The following BRMS1L variants were observed in gnomAD, a reference collection of about 807,000 sequenced individuals.
BRMS1L encodes the protein BRMS1 like transcriptional repressor.
BRMS1L carries 23 observed loss-of-function variants against 50.3 expected under a neutral mutation model. The observed-to-expected ratio is 0.46, with a 90% CI of 0.33 to 0.65. BRMS1L has a LOEUF of 0.65. Ranked by LOEUF, BRMS1L falls within the 30% of genes least tolerant of loss-of-function variation. The probability of loss-of-function intolerance (pLI) is 0.02; values close to 1 mark genes in which losing one functional copy is unlikely to be tolerated. For synonymous variants in BRMS1L, 114 were observed against 126.9 expected (o/e 0.90, Z 0.69); for missense variants, 286 against 386.1 (o/e 0.74, Z 2.17).
intron 5 of BRMS1L, 22 bp from the exon 6 acceptor site, chr14:35,863,848 T>C: frequency 3.1e-6 from 5 of 1,604,084 alleles, no homozygotes; most frequent in Non-Finnish European, 3.4e-6. Context: ...CCACTAATAC[T>C]TAATCTTTAT....
At chr14:35,869,868 ATAAT>A (rs902682068) in intron 9 of BRMS1L, among the ~76,000 whole-genome samples, 3 of 152,026 alleles carry the variant, frequency 2.0e-5, no homozygotes, top group Non-Finnish European at 4.4e-5. Flanking sequence ...CAAAAAATAA[ATAAT>A]TAAAAAAAGA....
intron 4 of BRMS1L, among the ~76,000 whole-genome samples, chr14:35,857,497 T>G (rs1278940702): frequency 1.3e-5 from 2 of 151,942 alleles, no homozygotes; most frequent in African/African-American, 4.8e-5. Flanking sequence ...AAAAAAAATT[T>G]TTTTATAGAG....
chr14:35,844,143 T>C (rs1002112783), intron 4 of BRMS1L, among the ~76,000 whole-genome samples: 1 of 152,198 alleles, frequency 6.6e-6, no homozygotes. Context: ...TGGCATCTGC[T>C]GAGCAAGACC....
At chr14:35,859,936 C>T (rs1012344674) in intron 4 of BRMS1L, among the ~76,000 whole-genome samples, 15 of 151,982 alleles carry the variant, frequency 9.9e-5, no homozygotes, top group African/African-American at 3.6e-4. Flanking sequence ...TAGGTGTGTG[C>T]CATTGTGCCT....
rs1370872901 is a variant in BRMS1L, at chr14:35,862,689, A to G, written c.538+3A>G. The G allele has an allele frequency of 1.3e-6, 2 of 1,599,892 alleles. No homozygotes were observed. Among genetic ancestry groups the G allele is most frequent in the Admixed American group, 3.4e-5 (2 of 59,384 alleles). On this transcript the variant is annotated splice_donor_region_variant and intron_variant, in intron 5 of 9. Transcript: ENST00000216807. ...GCACAGCATTGATATTACCTCAGGTAAGGAGAATGATATGATTGTGATGTT... is the reference window on the plus strand; with the variant it reads ...GCACAGCATTGATATTACCTCAGGTGAGGAGAATGATATGATTGTGATGTT...
Position 35,870,846 on chromosome 14 carries a change from T to A in BRMS1L, c.*369T>A, listed in dbSNP as rs2078482917. ...TTAAAATTTTCCATATCTTTGTCAT[T>A]CATTGTGTGTTTGTAAATAAGGCCG... is the stretch of plus-strand genomic sequence containing the variant. On this transcript the variant is annotated 3_prime_UTR_variant, in exon 10 of 10. Transcript: ENST00000216807. 6.3e-6 allele frequency: 1 copy of A among 158,086 alleles called. No homozygotes were observed. The highest frequency in any genetic ancestry group is 1.8e-4 in the South Asian group (1 of 5,428). 9.8% of individuals were successfully genotyped at this position (158,086 alleles called of 1,614,324 possible). A position where few individuals can be genotyped will look rare whatever the true frequency, so the allele number is the denominator to read the frequency against.
At chr14:35,847,881 T>C (rs1481236828) in intron 4 of BRMS1L, among the ~76,000 whole-genome samples, 1 of 152,234 alleles carries the variant, frequency 6.6e-6, no homozygotes, top group Admixed American at 6.5e-5. Context: ...AATGATAGGA[T>C]TTCCTTCTAT....
At chr14:35,850,209 CTTT>C (rs72493491) in intron 4 of BRMS1L, among the ~76,000 whole-genome samples, 3 of 128,910 alleles carry the variant, frequency 2.3e-5, no homozygotes, top group Admixed American at 1.6e-4. Flanking sequence ...GTTGCCTTTT[CTTT>C]TTTTTTTTTT....
chr14:35,829,892 C>T, intron 1 of BRMS1L: 1 of 1,161,374 alleles, frequency 8.6e-7, no homozygotes, highest in Non-Finnish European at 1.1e-6. Context: ...AAAATGTGGA[C>T]TATAGGACAG....
intron 4 of BRMS1L, among the ~76,000 whole-genome samples, chr14:35,857,474 T>C (rs2078296410): frequency 6.6e-6 from 1 of 151,896 alleles, no homozygotes; most frequent in Non-Finnish European, 1.5e-5. Context: ...TTTACCCTCA[T>C]ATTCCTTTCT....
chr14:35,862,875 A>T (rs1461020489), intron 5 of BRMS1L, among the ~76,000 whole-genome samples, 189 bp downstream of exon 5: 1 of 152,238 alleles, frequency 6.6e-6, no homozygotes, highest in Non-Finnish European at 1.5e-5. Flanking sequence ...CACACTTTAG[A>T]AAGATGTAAA....
At chr14:35,858,435 T>G (rs1391046575) in intron 4 of BRMS1L, 1 of 152,182 alleles carries the variant, frequency 6.6e-6, no homozygotes, top group East Asian at 1.9e-4. Flanking sequence ...TTTGGTAGAG[T>G]GTATCTTTCA....
intron 2 of BRMS1L, among the ~76,000 whole-genome samples, chr14:35,832,492 C>T (rs1381840788): frequency 2.1e-5 from 3 of 143,000 alleles, no homozygotes; most frequent in Non-Finnish European, 4.5e-5. Flanking sequence ...GGTGACGGAG[C>T]GAGACTCCGT....
Position 35,871,244 on chromosome 14 carries a change from G to A in BRMS1L, c.*767G>A, listed in dbSNP as rs959799585. The A allele has an allele frequency of 6.6e-6, 1 of 152,582 alleles. No homozygotes were observed. Among genetic ancestry groups the A allele is most frequent in the African/African-American group, 2.4e-5 (1 of 41,432 alleles). 9.5% of individuals were successfully genotyped at this position (152,582 alleles called of 1,614,324 possible). Reference sequence around the variant, plus strand: ...ATTTATGATGCAGTATATAAGTGGTGAACAATAACTGACAGTATTGTGCTT... The same window carrying A: ...ATTTATGATGCAGTATATAAGTGGTAAACAATAACTGACAGTATTGTGCTT... On this transcript the variant is annotated 3_prime_UTR_variant, in exon 10 of 10. Transcript: ENST00000216807.
intron 4 of BRMS1L, among the ~76,000 whole-genome samples, chr14:35,845,361 G>T (rs1471653717): frequency 2.6e-5 from 4 of 151,986 alleles, no homozygotes; most frequent in Non-Finnish European, 4.4e-5. Context: ...TTTGAGTTTT[G>T]GTAAATGCTT....
chr14:35,838,329 A>G (rs931952948), intron 4 of BRMS1L, among the ~76,000 whole-genome samples: 6 of 152,236 alleles, frequency 3.9e-5, no homozygotes, highest in African/African-American at 1.4e-4. Flanking sequence ...TGCCACAATA[A>G]ACATACATGT....
At chr14:35,848,263 G>T (rs1315567721) in intron 4 of BRMS1L, among the ~76,000 whole-genome samples, 3 of 152,134 alleles carry the variant, frequency 2.0e-5, no homozygotes, top group African/African-American at 7.2e-5. Context: ...GTCACCTCAC[G>T]TACCATTTGT....
chr14:35,845,497 G>T (rs1319618170), intron 4 of BRMS1L, among the ~76,000 whole-genome samples: 1 of 152,130 alleles, frequency 6.6e-6, no homozygotes, highest in African/African-American at 2.4e-5. Context: ...TATTGCTGTG[G>T]TGACTTAGGT....
chr14:35,844,919 C>T lies in BRMS1L; in HGVS notation c.441+9996C>T, dbSNP rs551749792. Among the ~76,000 whole-genome samples the T allele has an allele frequency of 8.7e-4, 133 of 152,162 alleles. 2 individuals carry two copies. The highest frequency in any genetic ancestry group is 3.1e-3 in the African/African-American group (127 of 41,516). On this transcript the variant is annotated intron_variant, in intron 4 of 9. Coordinates refer to ENST00000216807, the MANE Select transcript of BRMS1L (RefSeq NM_032352.4). ...CTTTAGAGACATGGTCTCACTGTAT[C>T]GCCCAGGCTGGAGTGCAGTGGCCTG... is the stretch of plus-strand genomic sequence containing the variant.
Sources: gnomAD v4.1 joint callset for allele counts (sites outside exome capture counted in the v4.1 genomes callset) on GRCh38, gnomAD v4.1.1 for gene constraint, MANE v1.5 for transcripts, NCBI Gene and HGNC (gene_info 2026-07-23, HGNC 2026-07-21) for gene names.